Variants in ZNF813 observed in about 807,000 individuals in gnomAD.
The protein encoded by ZNF813 is zinc finger protein 813.
Under a neutral mutation model 7.2 loss-of-function variants are expected in ZNF813, and 3 were observed. The observed-to-expected ratio is 0.42, with a 90% confidence interval of 0.19 to 1.08. The LOEUF (loss-of-function observed/expected upper bound fraction) is 1.08, where lower values mean the gene tolerates loss of function less well. Ranked by LOEUF, ZNF813 falls within the 50% of genes least tolerant of loss-of-function variation. The probability of loss-of-function intolerance (pLI) is 0.30; values close to 1 mark genes in which losing one functional copy is unlikely to be tolerated. For missense variants in ZNF813, 714 were observed against 753.3 expected (o/e 0.95, Z 0.61); for synonymous variants, 227 against 256.3 (o/e 0.89, Z 1.09).
intron 1 of ZNF813, among the ~76,000 whole-genome samples, chr19:53,468,897 C>G (rs936915656): frequency 1.3e-5 from 2 of 151,808 alleles, no homozygotes; most frequent in Non-Finnish European, 2.9e-5. Context: ...CTCCTCAGCA[C>G]AGACTCTTTA....
rs1280406037 is a variant in ZNF813 at position 53,491,050 on chromosome 19, G to A, written c.818G>A (p.Cys273Tyr). ...CACACTGGGGAGAAACCTTACAGGT[G>A]TAATGAGTGTGGCAAGACTTTCAGT... The part of the protein sequence containing the change: ...RCHTGEKPYR[C>Y]NECGKTFSQT... Residue 273 changes from cysteine (C) to tyrosine (Y), a missense_variant, in exon 4 of 4, where the codon TGT becomes TAT. This residue lies in a region of ZNF813 where 563 missense variants were observed against 554.2 expected (regional missense o/e 1.02). Coordinates refer to ENST00000396403, the MANE Select transcript of ZNF813 (RefSeq NM_001004301.4). 1.2e-6 allele frequency: 2 copies of A among 1,614,214 alleles called. No individual in the cohort carries two copies. The highest frequency in any genetic ancestry group is 1.7e-6 in the Non-Finnish European group (2 of 1,180,032).
intron 2 of ZNF813, among the ~76,000 whole-genome samples, chr19:53,484,586 A>G (rs1157804871): frequency 3.3e-5 from 5 of 152,196 alleles, no homozygotes; most frequent in Non-Finnish European, 7.3e-5. Flanking sequence ...TTTTAAATAT[A>G]TGAAGTCTTG....
At chr19:53,483,875 C>T (rs1197381558) in intron 2 of ZNF813, 38 bp downstream of exon 2, 7 of 1,613,752 alleles carry the variant, frequency 4.3e-6, no homozygotes, top group African/African-American at 2.7e-5. Context: ...CTGTCTCCTT[C>T]CCCTCAGAAA....
At chr19:53,490,239 C>A (rs754936114) in intron 3 of ZNF813, 136 bp from the exon 4 acceptor site, 1 of 1,019,090 alleles carries the variant, frequency 9.8e-7, no homozygotes, top group Non-Finnish European at 1.4e-6. Flanking sequence ...AAGAATCTTA[C>A]GCTTTTGTGT....
intron 1 of ZNF813, among the ~76,000 whole-genome samples, chr19:53,483,062 A>G (rs1033203379): frequency 6.6e-6 from 1 of 151,932 alleles, no homozygotes; most frequent in African/African-American, 2.4e-5. Flanking sequence ...ACAGACACCC[A>G]CCAAGCCCAG....
intron 1 of ZNF813, among the ~76,000 whole-genome samples, chr19:53,470,847 T>G (rs1472554674): frequency 2.0e-5 from 3 of 152,102 alleles, no homozygotes; most frequent in Non-Finnish European, 2.9e-5. Context: ...AGTCGAAAGC[T>G]AATCTATTTT....
In ZNF813 at chr19:53,486,459, A is replaced by G. The variant is rs540090268; in HGVS notation, c.16-173A>G. 1.1e-3 allele frequency among the ~76,000 whole-genome samples: 174 copies of G among 151,644 alleles called. 1 individual carries two copies. Among genetic ancestry groups the G allele is most frequent in the African/African-American group, 4.1e-3 (170 of 41,374 alleles). ...GAGACTCCACCTCAAAAAAAAAAAA[A>G]GCATAATAAAACACAGCTGGGAAGA... On this transcript the variant is annotated intron_variant, in intron 2 of 3. Transcript: ENST00000396403.
chr19:53,469,595 C>A (rs905145880), intron 1 of ZNF813, among the ~76,000 whole-genome samples: 36 of 151,702 alleles, frequency 2.4e-4, no homozygotes, highest in Non-Finnish European at 4.6e-4. Flanking sequence ...CAACTGGAGA[C>A]ATGCAGAGAA....
intron 1 of ZNF813, among the ~76,000 whole-genome samples, chr19:53,482,316 G>A (rs2086412278): frequency 6.6e-6 from 1 of 152,160 alleles, no homozygotes; most frequent in African/African-American, 2.4e-5. Flanking sequence ...GGTCACGTCA[G>A]TCCCTGGCAG....
Position 53,486,653 on chromosome 19 carries a change from G to C in ZNF813, c.37G>C (p.Val13Leu). ...LPQGLLTFRD[V>L]AIEFSQEEWK... Reference sequence around the variant, plus strand: ...TCAGGGTCTATTGACATTCAGGGATGTGGCCATAGAATTCTCTCAGGAGGA... The same window carrying C: ...TCAGGGTCTATTGACATTCAGGGATCTGGCCATAGAATTCTCTCAGGAGGA... Residue 13 changes from valine (V) to leucine (L), a missense_variant, in exon 3 of 4, where the codon GTG becomes CTG. Physicochemically the swap from Val to Leu is conservative, Grantham distance 32. Around this residue, in one of 3 missense-constraint regions of ZNF813, gnomAD observed 29 missense variants for 52.3 expected, o/e 0.55. Coordinates refer to ENST00000396403, the MANE Select transcript of ZNF813 (RefSeq NM_001004301.4). The C allele has an allele frequency of 6.2e-7, 1 of 1,614,092 alleles. No individual in the cohort carries two copies. The highest frequency in any genetic ancestry group is 8.5e-7 in the Non-Finnish European group (1 of 1,179,938).
chr19:53,472,044 A>G (rs1343054213), intron 1 of ZNF813, among the ~76,000 whole-genome samples: 1 of 152,118 alleles, frequency 6.6e-6, no homozygotes, highest in Non-Finnish European at 1.5e-5. Context: ...CTGCATGCTT[A>G]TGGAATGATT....
chr19:53,489,863 T>G (rs2708847), intron 3 of ZNF813, among the ~76,000 whole-genome samples: 1 of 151,862 alleles, frequency 6.6e-6, no homozygotes, highest in African/African-American at 2.4e-5. Context: ...CACGCCTGGC[T>G]ACATTTTGTA....
rs2086416636 is a variant in ZNF813, at chr19:53,482,966, G to A, written c.-73-784G>A. Among the ~76,000 whole-genome samples, 4 of 151,658 alleles carry A rather than the reference G, an allele frequency of 2.6e-5. No individual in the cohort carries two copies. The South Asian group carries it at 8.4e-4, about 32-fold the overall frequency. ...CTCACATTGTCACCCAGGCTGGAGT[G>A]CAGTGGCACGATCTTGGCTCACTGC... On this transcript the variant is annotated intron_variant, in intron 1 of 3. Transcript: ENST00000396403.
intron 1 of ZNF813, among the ~76,000 whole-genome samples, chr19:53,475,317 C>T (rs1458873348): frequency 1.3e-5 from 2 of 152,168 alleles, no homozygotes; most frequent in Non-Finnish European, 2.9e-5. Flanking sequence ...CTGATGTTAC[C>T]ACTGCATACC....
chr19:53,475,209 C>T (rs1211030491), intron 1 of ZNF813, among the ~76,000 whole-genome samples: 1 of 135,256 alleles, frequency 7.4e-6, no homozygotes, highest in Non-Finnish European at 1.6e-5. Context: ...TAAATACTGA[C>T]TTCTCTTTTG....
Position 53,491,384 on chromosome 19 carries a change from G to A in ZNF813, c.1152G>A (p.Lys384=), listed in dbSNP as rs775386028. 21 of 1,613,212 alleles carry A rather than the reference G, an allele frequency of 1.3e-5. No individual in the cohort carries two copies. The highest frequency in any genetic ancestry group is 8.9e-5 in the East Asian group (4 of 44,896). ...TTCATACGGGAGAGAAACCTTATAA[G>A]TGTAATGAATGTGGCAAGACCTTCA... is the stretch of plus-strand genomic sequence containing the variant. The part of the protein sequence containing the change: ...HRLHTGEKPY[K]CNECGKTFSQ... The change falls in exon 4 of 4, where the codon AAG becomes AAA. Residue 384 remains lysine (K), a synonymous_variant. Coordinates refer to ENST00000396403, the MANE Select transcript of ZNF813 (RefSeq NM_001004301.4).
chr19:53,495,928 ACAAAAG>A lies in ZNF813; in HGVS notation c.*3848_*3853del, dbSNP rs2086485604. On this transcript the variant is annotated 3_prime_UTR_variant, in exon 4 of 4. Transcript: ENST00000396403. ...GATTTAAGCAATACCTGGCCAAGAA[ACAAAAG>A]CAAAATCATTCCATTCCCCCAGTGG... The A allele has an allele frequency of 3.1e-6, 1 of 326,170 alleles. No individual in the cohort carries two copies. Among genetic ancestry groups the A allele is most frequent in the African/African-American group, 2.2e-5 (1 of 46,462 alleles). 20.2% of individuals were successfully genotyped at this position (326,170 alleles called of 1,614,324 possible). A position where few individuals can be genotyped will look rare whatever the true frequency, so the allele number is the denominator to read the frequency against.
chr19:53,476,774 C>T (rs1600109562), intron 1 of ZNF813, among the ~76,000 whole-genome samples: 1 of 152,100 alleles, frequency 6.6e-6, no homozygotes, highest in South Asian at 2.1e-4. Context: ...CACCATTCTC[C>T]TGCCTCAGCC....
In ZNF813 at chr19:53,495,742, C is replaced by T. The variant is rs200179042; in HGVS notation, c.*3656C>T. On this transcript the variant is annotated 3_prime_UTR_variant, in exon 4 of 4. Transcript: ENST00000396403. ...TGCATTATCGCTTTAACCTGGGGGG[C>T]GGAGGTTGCAGTGAGCCAAGATGGG... 2.5e-4 allele frequency: 38 copies of T among 151,634 alleles called. No individual in the cohort carries two copies. The highest frequency in any genetic ancestry group is 6.8e-3 in the Middle Eastern group (2 of 294). 9.4% of individuals were successfully genotyped at this position (151,634 alleles called of 1,614,324 possible). A position where few individuals can be genotyped will look rare whatever the true frequency, so the allele number is the denominator to read the frequency against.
Sources: gnomAD v4.1 joint callset for allele counts (sites outside exome capture counted in the v4.1 genomes callset) on GRCh38, gnomAD v4.1.1 for gene constraint, gnomAD v4.1.1 regional missense constraint, MANE v1.5 for transcripts, NCBI Gene and HGNC (gene_info 2026-07-23, HGNC 2026-07-21) for gene names.